The following DST variants were observed in gnomAD, a reference collection of about 807,000 sequenced individuals.
DST encodes dystonin.
Under a neutral mutation model 875.2 loss-of-function variants are expected in DST, and 253 were observed. That is an observed-to-expected ratio of 0.29 (90% CI 0.26 to 0.32). The LOEUF is 0.32. Among genes scored for constraint, DST ranks in the 10% least tolerant of loss-of-function variants. The pLI, the probability that DST is intolerant of heterozygous loss-of-function variation, is 1.00. For synonymous variants in DST, 3,124 were observed against 3,197.1 expected, an observed-to-expected ratio of 0.98 and a Z score of 0.77; for missense variants, 8,287 against 9,111.6, an observed-to-expected ratio of 0.91 and a Z score of 3.68.
In DST at chr6:56,694,281, C is replaced by T. The variant is rs115319231; in HGVS notation, c.1047+5372G>A. On this transcript the variant is annotated intron_variant, in intron 9 of 103. Coordinates refer to ENST00000680361, the MANE Select transcript of DST (RefSeq NM_001374736.1). The stretch of plus-strand genomic sequence containing the variant: ...CACATAAGTACAAATCATTTCACTA[C>T]TAAAAAAATTAATAATTGCCTTTCA... 6.1e-3 allele frequency among the ~76,000 whole-genome samples: 923 copies of T among 150,452 alleles called. 11 individuals are homozygous for T. Among genetic ancestry groups the T allele is most frequent in the African/African-American group, 0.022 (895 of 41,070 alleles).
chr6:56,676,746 C>T (rs1337069467), intron 9 of DST, among the ~76,000 whole-genome samples: 3 of 146,100 alleles, frequency 2.1e-5, no homozygotes, highest in Non-Finnish European at 4.5e-5. Flanking sequence ...ATGGATGAAA[C>T]TGGAGGGAAT....
intron 4 of DST, among the ~76,000 whole-genome samples, chr6:56,843,825 G>A (rs187523725): frequency 2.0e-5 from 3 of 151,550 alleles, no homozygotes; most frequent in Admixed American, 1.3e-4. Flanking sequence ...CTCCGGCCCC[G>A]GCGCCTCTCG....
intron 4 of DST, among the ~76,000 whole-genome samples, chr6:56,775,075 AC>A (rs2099675921): frequency 6.6e-6 from 1 of 152,144 alleles, no homozygotes; most frequent in South Asian, 2.1e-4. Context: ...CAAGATGCAA[AC>A]AGCTTCAATA....
At chr6:56,490,398 ATAAGCT>A (rs1167034521) in intron 85 of DST, among the ~76,000 whole-genome samples, 2 of 152,198 alleles carry the variant, frequency 1.3e-5, no homozygotes, top group Non-Finnish European at 1.5e-5. Context: ...ATTTGTCACA[ATAAGCT>A]TAAGTGAACA....
At chr6:56,701,275 G>A (rs545331303) in intron 8 of DST, among the ~76,000 whole-genome samples, 90 of 151,700 alleles carry the variant, frequency 5.9e-4, no homozygotes, top group South Asian at 3.5e-3. Context: ...GGCCTATGAC[G>A]TAATGCCACC....
chr6:56,940,003 G>A (rs948455377), intron 2 of DST, among the ~76,000 whole-genome samples: 5 of 151,700 alleles, frequency 3.3e-5, no homozygotes, highest in Middle Eastern at 3.2e-3. Flanking sequence ...TCCAGCCTGC[G>A]TGACAGAGCA....
Position 56,611,659 on chromosome 6 carries a change from A to T in DST, c.5059-63T>A, listed in dbSNP as rs35458294. 25,145 of 1,146,432 alleles carry T rather than the reference A, an allele frequency of 0.022. 359 individuals are homozygous for T. Among genetic ancestry groups the T allele is most frequent in the Non-Finnish European group, 0.025 (19,917 of 797,388 alleles). 71.0% of individuals were successfully genotyped at this position (1,146,432 alleles called of 1,614,324 possible). A position where few individuals can be genotyped will look rare whatever the true frequency, so the allele number is the denominator to read the frequency against. The stretch of plus-strand genomic sequence containing the variant: ...AAAAGGAGTAAACAGTATTTTTTTT[A>T]AAAAAAAGAAATTAATCAAGCTTTA... On this transcript the variant is annotated intron_variant, in intron 37 of 103. Coordinates refer to ENST00000680361, the MANE Select transcript of DST (RefSeq NM_001374736.1).
chr6:56,536,807 T>A lies in DST; in HGVS notation c.16742A>T (p.Asn5581Ile). ...QGLEHDLDDV[N>I]ARWKTLNKKV... Reference sequence around the variant, plus strand: ...CTTATTGAGAGTCTTCCACCGTGCATTGACATCATCCAGGTCATGCTCCAA... The same window carrying A: ...CTTATTGAGAGTCTTCCACCGTGCAATGACATCATCCAGGTCATGCTCCAA... Residue 5581 changes from asparagine (N) to isoleucine (I), a missense_variant, in exon 62 of 104, where the codon AAT becomes ATT. Asn to Ile is a moderately radical substitution (Grantham distance 149). Around this residue, in one of 10 missense-constraint regions of DST, gnomAD observed 777 missense variants for 764.8 expected, o/e 1.02. Coordinates refer to ENST00000680361, the MANE Select transcript of DST (RefSeq NM_001374736.1). 6.3e-7 allele frequency: 1 copy of A among 1,595,758 alleles called. No homozygotes were observed. Among genetic ancestry groups the A allele is most frequent in the Non-Finnish European group, 8.5e-7 (1 of 1,171,196 alleles).
intron 55 of DST, among the ~76,000 whole-genome samples, chr6:56,567,173 G>A (rs993362654): frequency 5.9e-5 from 9 of 152,104 alleles, no homozygotes; most frequent in Non-Finnish European, 1.0e-4. Flanking sequence ...TCTAGCATTG[G>A]TACTTTTTCA....
intron 36 of DST, chr6:56,618,061 G>A: frequency 6.2e-7 from 1 of 1,614,130 alleles, no homozygotes; most frequent in Non-Finnish European, 8.5e-7. Flanking sequence ...GTCTAGAATT[G>A]TTCAGGGCTT....
At position 56,695,381 on chromosome 6, in the gene DST, T is replaced by C. The variant is rs6917253; in HGVS notation, c.1047+4272A>G. 5.3e-3 allele frequency among the ~76,000 whole-genome samples: 802 copies of C among 150,474 alleles called. 6 individuals carry two copies. Among genetic ancestry groups the C allele is most frequent in the African/African-American group, 0.019 (759 of 39,816 alleles). On this transcript the variant is annotated intron_variant, in intron 9 of 103. Coordinates refer to ENST00000680361, the MANE Select transcript of DST (RefSeq NM_001374736.1). ...TAAACTACTCAGCCTCAGGTATGCC[T>C]TTACAGCAACACAAAATGAACTAAT...
At position 56,693,347 on chromosome 6, in the gene DST, G is replaced by A. The variant is rs566931680; in HGVS notation, c.1047+6306C>T. 51 of 1,158,696 alleles carry A rather than the reference G, an allele frequency of 4.4e-5. 1 individual carries two copies. The East Asian group carries it at 1.1e-3, about 24-fold the overall frequency. The allele number at this position is 1,158,696 out of a possible 1,614,324, so 71.8% of individuals were successfully genotyped here. On this transcript the variant is annotated intron_variant, in intron 9 of 103. Transcript: ENST00000680361. ...AAATGCCGTGGCATCCTGCCCAGCCGGTCCGTGTCTCATTAGACACTGTGG... is the reference window on the plus strand; with the variant it reads ...AAATGCCGTGGCATCCTGCCCAGCCAGTCCGTGTCTCATTAGACACTGTGG...
rs186699708 is a variant in DST, at chr6:56,529,657, C to T, written c.17386G>A (p.Asp5796Asn). The part of the protein sequence containing the change: ...EDKDMVQSKL[D>N]FSQVWYIEIQ... The stretch of plus-strand genomic sequence containing the variant: ...TCAATGTACCATACTTGAGAGAAGT[C>T]TAATTTACTCTGCACCATATCTTTA... Residue 5796 changes from aspartate to asparagine, a missense_variant, in exon 66 of 104, where the codon GAC (aspartate) becomes AAC (asparagine). Physicochemically the swap from Asp to Asn is conservative, Grantham distance 23. This residue lies in a region of DST where 777 missense variants were observed against 764.8 expected (regional missense o/e 1.02). Transcript: ENST00000680361. The T allele has an allele frequency of 7.9e-5, 128 of 1,613,782 alleles. No homozygotes were observed. The East Asian group carries it at 2.4e-3, about 30-fold the overall frequency.
intron 61 of DST, chr6:56,542,733 G>T (rs1278804992): frequency 6.6e-6 from 1 of 152,500 alleles, no homozygotes; most frequent in Non-Finnish European, 1.5e-5. Flanking sequence ...GGCTCCTCAG[G>T]GCAGCACGGT....
rs191373465 is a variant in DST, at chr6:56,925,096, A to G, written c.217-24475T>C. On this transcript the variant is annotated intron_variant, in intron 2 of 103. Coordinates refer to ENST00000680361, the MANE Select transcript of DST (RefSeq NM_001374736.1). ...TATATGTGGTCATTTGAGTTTAAAG[A>G]AAAATCCATATCACAAATGCTTGCT... 3.3e-4 allele frequency among the ~76,000 whole-genome samples: 50 copies of G among 152,344 alleles called. No homozygotes were observed. The East Asian group carries it at 5.8e-3, about 18-fold the overall frequency.
At chr6:56,648,255 G>T (rs1437342062) in intron 13 of DST, among the ~76,000 whole-genome samples, 3 of 151,974 alleles carry the variant, frequency 2.0e-5, no homozygotes, top group African/African-American at 7.3e-5. Context: ...TCTACCTCAA[G>T]CCATCTCGGG....
intron 3 of DST, among the ~76,000 whole-genome samples, chr6:56,876,162 C>T (rs1779553761): frequency 6.6e-6 from 1 of 152,144 alleles, no homozygotes; most frequent in Non-Finnish European, 1.5e-5. Flanking sequence ...GACCTCTGGT[C>T]ACACTCCCTC....
chr6:56,549,092 C>T (rs2097276225), intron 61 of DST, among the ~76,000 whole-genome samples: 1 of 152,144 alleles, frequency 6.6e-6, no homozygotes, highest in East Asian at 1.9e-4. Context: ...AAAACAGAAT[C>T]GGGGAAGTCT....
intron 4 of DST, among the ~76,000 whole-genome samples, chr6:56,751,851 G>C (rs1370667294): frequency 1.3e-5 from 2 of 152,150 alleles, no homozygotes; most frequent in African/African-American, 4.8e-5. Flanking sequence ...AGAGAAGAGA[G>C]GAGGGTAGAA....
Sources: gnomAD v4.1 joint callset for allele counts (sites outside exome capture counted in the v4.1 genomes callset) on GRCh38, gnomAD v4.1.1 for gene constraint, gnomAD v4.1.1 regional missense constraint, MANE v1.5 for transcripts, NCBI Gene and HGNC (gene_info 2026-07-23, HGNC 2026-07-21) for gene names.